Variants in RASEF observed in about 807,000 individuals in gnomAD.
The protein encoded by RASEF is ras and EF-hand domain-containing protein.
RASEF carries 68 observed loss-of-function variants against 90.1 expected under a neutral mutation model. The ratio of observed to expected loss-of-function variants is 0.75; its 90% CI spans 0.62 to 0.92. RASEF has a LOEUF of 0.92. Ranked by LOEUF, RASEF falls within the 40% of genes least tolerant of loss-of-function variation. The pLI, the probability that RASEF is intolerant of heterozygous loss-of-function variation, is 0.00. For synonymous variants in RASEF, 331 were observed against 345.2 expected (o/e 0.96, Z 0.46); for missense variants, 949 against 937.2 (o/e 1.01, Z -0.16).
chr9:83,015,334 T>C (rs1829323393), intron 4 of RASEF, among the ~76,000 whole-genome samples: 1 of 152,142 alleles, frequency 6.6e-6, no homozygotes, highest in African/African-American at 2.4e-5. Flanking sequence ...TTATTAAATC[T>C]ATGCAAAAGA....
chr9:83,119,516 A>G, the RASEF span, among the ~76,000 whole-genome samples: 7 of 152,332 alleles, frequency 4.6e-5, no homozygotes, highest in South Asian at 1.0e-3. Flanking sequence ...AGCTGAAGCA[A>G]CAGCTCTGGT....
chr9:82,991,461 G>A (rs1375585977), intron 15 of RASEF, among the ~76,000 whole-genome samples: 1 of 152,156 alleles, frequency 6.6e-6, no homozygotes, highest in East Asian at 1.9e-4. Flanking sequence ...CTTAATAAAG[G>A]AGAACTAAGT....
chr9:83,159,180 C>G, the RASEF span, among the ~76,000 whole-genome samples: 8 of 98,372 alleles, frequency 8.1e-5, no homozygotes, highest in Non-Finnish European at 1.6e-4. Flanking sequence ...AGCGAGACTC[C>G]GTCTCAAAAA....
At chr9:83,021,798 A>G (rs1217772187) in intron 3 of RASEF, among the ~76,000 whole-genome samples, 1 of 152,234 alleles carries the variant, frequency 6.6e-6, no homozygotes, top group African/African-American at 2.4e-5. Context: ...AAACTTGAGC[A>G]TGCAGATTTT....
the RASEF span, among the ~76,000 whole-genome samples, chr9:83,180,822 A>G: frequency 1.3e-5 from 2 of 151,914 alleles, no homozygotes; most frequent in Non-Finnish European, 2.9e-5. Context: ...CAGTTACCAA[A>G]TTGGAAATGA....
At chr9:83,152,735 T>C in the RASEF span, among the ~76,000 whole-genome samples, 83 of 150,830 alleles carry the variant, frequency 5.5e-4, no homozygotes, top group Non-Finnish European at 1.0e-3. Flanking sequence ...CAGACACACA[T>C]ACACACACAC....
At chr9:83,194,562 A>G in the RASEF span, among the ~76,000 whole-genome samples, 1 of 152,168 alleles carries the variant, frequency 6.6e-6, no homozygotes. Context: ...ATACTCCAAT[A>G]AGACACTAAC....
chr9:83,156,592 C>A, the RASEF span, among the ~76,000 whole-genome samples: 1 of 152,140 alleles, frequency 6.6e-6, no homozygotes, highest in Non-Finnish European at 1.5e-5. Flanking sequence ...GGAACAGGCA[C>A]CTCCCAGGGA....
chr9:82,996,475 C>T (rs529773903), intron 14 of RASEF, among the ~76,000 whole-genome samples: 5 of 152,234 alleles, frequency 3.3e-5, no homozygotes, highest in Admixed American at 2.0e-4. Flanking sequence ...AGAAGCTATG[C>T]CCATGTTTAA....
At chr9:83,103,624 G>A in the RASEF span, among the ~76,000 whole-genome samples, 7 of 151,870 alleles carry the variant, frequency 4.6e-5, no homozygotes, top group African/African-American at 1.7e-4. Context: ...CTTAATGCAG[G>A]GTGAAAGACA....
At chr9:83,034,030 G>A (rs1829694310) in intron 1 of RASEF, among the ~76,000 whole-genome samples, 1 of 152,128 alleles carries the variant, frequency 6.6e-6, no homozygotes, top group Non-Finnish European at 1.5e-5. Flanking sequence ...CATGCTTCCA[G>A]AATAAACCCC....
chr9:83,091,046 G>C, the RASEF span, among the ~76,000 whole-genome samples: 1 of 152,092 alleles, frequency 6.6e-6, no homozygotes, highest in Non-Finnish European at 1.5e-5. Flanking sequence ...TTACTGACAG[G>C]CTCTGTGTAT....
At chr9:83,043,504 T>C (rs1403372631) in intron 1 of RASEF, among the ~76,000 whole-genome samples, 1 of 152,238 alleles carries the variant, frequency 6.6e-6, no homozygotes, top group East Asian at 1.9e-4. Flanking sequence ...AGCTGTACAC[T>C]TAACGTTCTG....
chr9:83,198,060 G>C, the RASEF span, among the ~76,000 whole-genome samples: 12 of 152,296 alleles, frequency 7.9e-5, no homozygotes, highest in Admixed American at 7.8e-4. Context: ...ACTCTGGTCT[G>C]AGAAATATGC....
chr9:83,108,899 A>C, the RASEF span, among the ~76,000 whole-genome samples: 3 of 152,248 alleles, frequency 2.0e-5, no homozygotes, highest in South Asian at 6.2e-4. Context: ...TCTACACACA[A>C]CCCAACTCTG....
intron 6 of RASEF, among the ~76,000 whole-genome samples, chr9:83,007,737 C>T (rs1327252930): frequency 6.6e-6 from 1 of 152,086 alleles, no homozygotes; most frequent in East Asian, 1.9e-4. Context: ...AGTCTCTGCC[C>T]CGCCTCCGAC....
At chr9:83,022,270 TG>T in intron 3 of RASEF, 65 bp downstream of exon 3, 1 of 1,165,136 alleles carries the variant, frequency 8.6e-7, no homozygotes, top group Non-Finnish European at 1.3e-6. Flanking sequence ...GAAGAGTGCC[TG>T]GGCCCTCTCC....
At chr9:83,138,460 C>T in the RASEF span, among the ~76,000 whole-genome samples, 1 of 152,092 alleles carries the variant, frequency 6.6e-6, no homozygotes, top group African/African-American at 2.4e-5. Flanking sequence ...AACTTGACAC[C>T]ATAAAAATGC....
intron 9 of RASEF, 70 bp from the exon 10 acceptor site, chr9:83,001,200 A>T (rs990169884): frequency 1.8e-6 from 2 of 1,083,224 alleles, no homozygotes; most frequent in Non-Finnish European, 2.8e-6. Flanking sequence ...GCAATAGACC[A>T]CATGCCATTA....
Sources: gnomAD v4.1 joint callset for allele counts (sites outside exome capture counted in the v4.1 genomes callset) on GRCh38, gnomAD v4.1.1 for gene constraint, MANE v1.5 for transcripts, NCBI Gene and HGNC (gene_info 2026-07-23, HGNC 2026-07-21) for gene names.